BCO2: variants seen among roughly 807,000 people sequenced by gnomAD.
BCO2 encodes the protein beta-carotene oxygenase 2, also known as carotenoid-cleaving dioxygenase, mitochondrial.
A neutral mutation model predicts 65.8 loss-of-function variants in BCO2; 56 were observed. The observed-to-expected ratio is 0.85, with a 90% confidence interval of 0.69 to 1.06. The LOEUF (loss-of-function observed/expected upper bound fraction) is 1.06, where lower values mean the gene tolerates loss of function less well. Ranked by LOEUF, BCO2 falls within the 50% of genes least tolerant of loss-of-function variation. The pLI is 0.00. For synonymous variants in BCO2, 233 were observed against 242.3 expected (o/e 0.96, Z 0.36); for missense variants, 675 against 698.5 (o/e 0.97, Z 0.38).
At chr11:112,194,892 C>G in intron 5 of BCO2, 137 bp downstream of exon 5, 1 of 550,648 alleles carries the variant, frequency 1.8e-6, no homozygotes, top group East Asian at 3.2e-5. Context: ...ACCCAGCTCT[C>G]TCTCCTCTTT....
chr11:112,210,478 A>G (rs184443426), intron 8 of BCO2, among the ~76,000 whole-genome samples: 435 of 152,312 alleles, frequency 2.9e-3, no homozygotes, highest in Non-Finnish European at 4.5e-3. Flanking sequence ...TCTTATTCAT[A>G]GGGTACAGAC....
chr11:112,193,181 C>T (rs547533599), intron 2 of BCO2, among the ~76,000 whole-genome samples: 9 of 151,266 alleles, frequency 5.9e-5, no homozygotes, highest in African/African-American at 1.2e-4. Flanking sequence ...GATTTCACCA[C>T]GTTAGCCAGG....
chr11:112,175,819 T>C (rs1866867363), intron 1 of BCO2, 130 bp downstream of exon 1: 1 of 718,390 alleles, frequency 1.4e-6, no homozygotes, highest in East Asian at 2.6e-5. Flanking sequence ...TCAGATGAGA[T>C]AGCAATTCCG....
intron 8 of BCO2, among the ~76,000 whole-genome samples, chr11:112,206,982 T>C (rs1259997486): frequency 2.0e-5 from 3 of 152,236 alleles, no homozygotes; most frequent in Admixed American, 6.5e-5. Flanking sequence ...CATTTTCTGT[T>C]TGTTGCTCTT....
intron 8 of BCO2, among the ~76,000 whole-genome samples, chr11:112,207,476 A>G (rs895392541): frequency 1.3e-5 from 2 of 152,212 alleles, no homozygotes; most frequent in African/African-American, 2.4e-5. Flanking sequence ...AGAGAAGTCA[A>G]GTATCTGTAT....
Position 112,181,581 on chromosome 11 carries a change from T to G in BCO2, c.293+2099T>G, listed in dbSNP as rs1592834752. The G allele has an allele frequency of 1.7e-5, 13 of 755,500 alleles. No homozygotes were observed. The East Asian group carries it at 3.0e-4, about 17-fold the overall frequency. The allele number at this position is 755,500 out of a possible 1,614,324, so 46.8% of individuals were successfully genotyped here. ...TAAATGATAGCATTAATTTATTAGGTGTGTTAGAAGAAGCAAGATTTTTTG... is the reference window on the plus strand; with the variant it reads ...TAAATGATAGCATTAATTTATTAGGGGTGTTAGAAGAAGCAAGATTTTTTG... On this transcript the variant is annotated intron_variant, in intron 2 of 11. Transcript: ENST00000357685.
rs559654122 is a variant in BCO2 at position 112,209,538 on chromosome 11, C to G, written c.1195-4186C>G. On this transcript the variant is annotated intron_variant, in intron 8 of 11. Transcript: ENST00000357685. The stretch of plus-strand genomic sequence containing the variant: ...AAGCTGTTATAAATATTTGTTAGCA[C>G]GTTTTGTGTGGACAACTTTTTAAAA... Among the ~76,000 whole-genome samples the G allele has an allele frequency of 8.1e-4, 123 of 152,148 alleles. 1 individual carries two copies. The highest frequency in any genetic ancestry group is 1.8e-4 in the Non-Finnish European group (12 of 68,030).
intron 8 of BCO2, among the ~76,000 whole-genome samples, chr11:112,203,914 G>A (rs1867801521): frequency 6.6e-6 from 1 of 151,986 alleles, no homozygotes; most frequent in African/African-American, 2.4e-5. Context: ...GAGTGCAGTG[G>A]CGCGATCTCG....
chr11:112,195,336 T>C (rs769577998), intron 5 of BCO2, among the ~76,000 whole-genome samples: 1 of 152,184 alleles, frequency 6.6e-6, no homozygotes, highest in African/African-American at 2.4e-5. Context: ...GGTTTCACCA[T>C]GTTGGCCGGG....
rs775143966 is a variant in BCO2 at position 112,193,860 on chromosome 11, C to T, written c.518-19C>T. 7 of 1,530,434 alleles carry T rather than the reference C, an allele frequency of 4.6e-6. No homozygotes were observed. In the East Asian group the frequency reaches 1.6e-4, roughly 34 times the overall value. The allele number at this position is 1,530,434 out of a possible 1,614,324, so 94.8% of individuals were successfully genotyped here. ...ACAGTAAGCTGTGGTACTTAAATAA[C>T]TCTAGGGTTTGGTTTCAGCCATGAC... On this transcript the variant is annotated intron_variant, in intron 3 of 11. Transcript: ENST00000357685.
chr11:112,186,841 T>G (rs1226489816), intron 2 of BCO2, among the ~76,000 whole-genome samples: 1 of 152,022 alleles, frequency 6.6e-6, no homozygotes, highest in Non-Finnish European at 1.5e-5. Context: ...AAAACAAAAA[T>G]TAAACAAAAG....
chr11:112,213,754 C>T lies in BCO2; in HGVS notation c.1225C>T (p.Arg409Ter), dbSNP rs903302413. ...TAATTCAGCAGCCAAATCTTTCCCT[C>T]GAAGGTTTGTTTTGCCTTTAAATGT... ...VHNSAAKSFP[R>*]RFVLPLNVSL... is the part of the protein sequence containing the mutation. Residue 409 changes from arginine to a stop codon, truncating the protein, a stop_gained, in exon 9 of 12, where the codon CGA becomes TGA. Transcript: ENST00000357685. LOFTEE classifies it high-confidence loss of function. The T allele has an allele frequency of 4.3e-6, 7 of 1,613,236 alleles. No homozygotes were observed. Among genetic ancestry groups the T allele is most frequent in the Middle Eastern group, 1.6e-4 (1 of 6,084 alleles).
chr11:112,213,686 T>A (rs202129151), intron 8 of BCO2, 38 bp from the exon 9 acceptor site: 4 of 1,599,794 alleles, frequency 2.5e-6, no homozygotes, highest in African/African-American at 2.7e-5. Context: ...TGTTACCATA[T>A]GAATGACAAT....
At position 112,216,208 on chromosome 11, in the gene BCO2, T is replaced by TG. The variant is rs747311062; in HGVS notation, c.1516-9dup. 3 of 1,601,644 alleles carry TG rather than the reference T, an allele frequency of 1.9e-6. No individual in the cohort carries two copies. In the East Asian group the frequency reaches 6.7e-5, roughly 36 times the overall value. On this transcript the variant is annotated splice_polypyrimidine_tract_variant and intron_variant, in intron 10 of 11. Transcript: ENST00000357685. ...CTTGCCTTTTATCAAATGCTTTTTT[T>TG]GGGACTTGCAGGTTTGGAGAGAAGA...
intron 5 of BCO2, among the ~76,000 whole-genome samples, chr11:112,196,003 T>G (rs1026047151): frequency 1.3e-5 from 2 of 152,220 alleles, no homozygotes; most frequent in African/African-American, 4.8e-5. Flanking sequence ...TGCCTCAGTT[T>G]GCTCCTTATA....
At chr11:112,217,542 T>TA (rs1450696975) in intron 11 of BCO2, among the ~76,000 whole-genome samples, 4 of 152,072 alleles carry the variant, frequency 2.6e-5, no homozygotes, top group Admixed American at 2.6e-4. Context: ...TTGTATTTTT[T>TA]ATAGAGATGG....
rs367897441 is a variant in BCO2, at chr11:112,198,265, A to G, written c.737-1434A>G. On this transcript the variant is annotated intron_variant, in intron 5 of 11. Transcript: ENST00000357685. ...TTGAGACCAGGAGTTCGAGGCTGCA[A>G]TGAGCTATGATCACACCACTGTACT... 2.2e-3 allele frequency among the ~76,000 whole-genome samples: 335 copies of G among 152,078 alleles called. 1 individual carries two copies. The highest frequency in any genetic ancestry group is 7.5e-3 in the African/African-American group (313 of 41,504).
intron 4 of BCO2, 84 bp downstream of exon 4, chr11:112,194,078 A>C: frequency 1.2e-6 from 1 of 810,244 alleles, no homozygotes; most frequent in Middle Eastern, 2.6e-4. Flanking sequence ...AGTATATATC[A>C]AGAAGAAATT....
At position 112,179,309 on chromosome 11, in the gene BCO2, GA is replaced by G; in HGVS notation, c.126del (p.Ala43ProfsTer16). On this transcript the variant is annotated frameshift_variant, in exon 2 of 12. Coordinates refer to ENST00000357685, the MANE Select transcript of BCO2 (RefSeq NM_031938.7). LOFTEE classifies it high-confidence loss of function. Reference sequence around the variant, plus strand: ...AAAGGTACATGGGAAATACTCCTCAGAAAAAAGCCGTCTTTGGGCAGTGTCG... The same window carrying G: ...AAAGGTACATGGGAAATACTCCTCAGAAAAAGCCGTCTTTGGGCAGTGTCG... ...FKRYMGNTPQ[K>X]KAVFGQCRGL... is the part of the protein sequence containing the mutation. The G allele has an allele frequency of 6.2e-7, 1 of 1,614,170 alleles. No homozygotes were observed. Among genetic ancestry groups the G allele is most frequent in the Non-Finnish European group, 8.5e-7 (1 of 1,180,026 alleles).
Sources: gnomAD v4.1 joint callset for allele counts (sites outside exome capture counted in the v4.1 genomes callset) on GRCh38, gnomAD v4.1.1 for gene constraint, MANE v1.5 for transcripts, NCBI Gene and HGNC (gene_info 2026-07-23, HGNC 2026-07-21) for gene names.